Variants in MEI4 observed in about 807,000 individuals in gnomAD.
MEI4 encodes meiotic double-stranded break formation protein 4, also known as meiosis-specific protein MEI4.
MEI4 carries 27 observed loss-of-function variants against 31.4 expected under a neutral mutation model. That is an observed-to-expected ratio of 0.86 (90% CI 0.63 to 1.19). The LOEUF is 1.19. Ranked by LOEUF, MEI4 falls within the 50% of genes most tolerant of loss-of-function variation. The probability of loss-of-function intolerance (pLI) is 0.00; values close to 1 mark genes in which losing one functional copy is unlikely to be tolerated. For synonymous variants in MEI4, 122 were observed against 145.4 expected (o/e 0.84, Z 1.16); for missense variants, 329 against 398.9 (o/e 0.82, Z 1.49).
intron 4 of MEI4, among the ~76,000 whole-genome samples, chr6:77,887,330 C>T (rs572961078): frequency 3.9e-4 from 59 of 151,264 alleles, no homozygotes; most frequent in South Asian, 8.3e-4. Flanking sequence ...TCACTTTTGT[C>T]GCCCAGGTTG....
chr6:77,727,120 C>T (rs977795463), intron 2 of MEI4, among the ~76,000 whole-genome samples: 1 of 152,112 alleles, frequency 6.6e-6, no homozygotes, highest in African/African-American at 2.4e-5. Context: ...GAGGGTCTCT[C>T]AGATGTGAGT....
intron 4 of MEI4, among the ~76,000 whole-genome samples, chr6:77,836,207 T>C (rs1222042491): frequency 1.3e-5 from 2 of 152,166 alleles, no homozygotes; most frequent in East Asian, 3.9e-4. Flanking sequence ...AAGTGATTTT[T>C]CACAGAAATG....
intron 4 of MEI4, among the ~76,000 whole-genome samples, chr6:77,908,287 A>G (rs2127737673): frequency 6.6e-6 from 1 of 152,254 alleles, no homozygotes; most frequent in East Asian, 1.9e-4. Flanking sequence ...TTTAGGTCTA[A>G]CATTTAAGTC....
intron 4 of MEI4, among the ~76,000 whole-genome samples, chr6:77,867,900 A>T (rs1771088682): frequency 6.6e-6 from 1 of 152,210 alleles, no homozygotes; most frequent in Admixed American, 6.5e-5. Flanking sequence ...AAAAATGATG[A>T]GTTCATGTCC....
At chr6:77,712,511 C>A (rs1006960138) in intron 2 of MEI4, among the ~76,000 whole-genome samples, 14 of 152,082 alleles carry the variant, frequency 9.2e-5, no homozygotes, top group African/African-American at 3.4e-4. Context: ...ATGTTAGCAA[C>A]CATTCTGACA....
At chr6:77,811,570 G>A (rs1026192269) in intron 3 of MEI4, among the ~76,000 whole-genome samples, 1 of 152,042 alleles carries the variant, frequency 6.6e-6, no homozygotes, top group Non-Finnish European at 1.5e-5. Context: ...AAGGTCAAGA[G>A]ATCAAGACAT....
At chr6:77,732,256 A>G (rs1344985624) in intron 2 of MEI4, among the ~76,000 whole-genome samples, 2 of 151,958 alleles carry the variant, frequency 1.3e-5, no homozygotes, top group Admixed American at 6.5e-5. Flanking sequence ...CTTTCTACCC[A>G]TGAGCATGGA....
At chr6:77,875,168 C>A (rs1323291004) in intron 4 of MEI4, among the ~76,000 whole-genome samples, 1 of 152,170 alleles carries the variant, frequency 6.6e-6, no homozygotes, top group South Asian at 2.1e-4. Flanking sequence ...ATGTCTCCAT[C>A]TCCTGTTTTG....
At chr6:77,696,543 T>C (rs1766050532) in intron 2 of MEI4, among the ~76,000 whole-genome samples, 2 of 151,952 alleles carry the variant, frequency 1.3e-5, no homozygotes, top group Admixed American at 1.3e-4. Flanking sequence ...TTGTCTTTGG[T>C]TCTGTTTATA....
chr6:77,733,364 A>G (rs1267865306), intron 2 of MEI4, among the ~76,000 whole-genome samples: 11 of 151,986 alleles, frequency 7.2e-5, no homozygotes, highest in African/African-American at 4.8e-5. Context: ...GGGAGAGTGT[A>G]TGTGTCTAGG....
chr6:77,911,651 CTT>C (rs1381595603), intron 4 of MEI4, among the ~76,000 whole-genome samples: 3 of 150,644 alleles, frequency 2.0e-5, no homozygotes, highest in Non-Finnish European at 3.0e-5. Context: ...ATTTTGTTCT[CTT>C]TTTATAGCTG....
chr6:77,666,142 G>A lies in MEI4; in HGVS notation c.-15+13050G>A, dbSNP rs375972466. ...ATTATCATTAGTTCTTATAGGTTTCGGGATAGGCGGTGAAGTTAAGAGCAA... is the reference window on the plus strand; with the variant it reads ...ATTATCATTAGTTCTTATAGGTTTCAGGATAGGCGGTGAAGTTAAGAGCAA... On this transcript the variant is annotated intron_variant, in intron 1 of 4. Coordinates refer to ENST00000684080, the MANE Select transcript of MEI4 (RefSeq NM_001322247.2). Among the ~76,000 whole-genome samples the A allele has an allele frequency of 4.2e-4, 64 of 152,236 alleles. No individual in the cohort carries two copies. The East Asian group carries it at 7.6e-3, about 18-fold the overall frequency.
At position 77,821,751 on chromosome 6, in the gene MEI4, G is replaced by A. The variant is rs1011066693; in HGVS notation, c.769-7180G>A. On this transcript the variant is annotated intron_variant, in intron 3 of 4. Coordinates refer to ENST00000684080, the MANE Select transcript of MEI4 (RefSeq NM_001322247.2). The stretch of plus-strand genomic sequence containing the variant: ...GCAGAGGTTGTGGTGAGCTGAGATC[G>A]CGCCATTGCACTCCAGCCTGGGCAA... 8.5e-5 allele frequency among the ~76,000 whole-genome samples: 12 copies of A among 140,672 alleles called. No individual in the cohort carries two copies. In the South Asian group the frequency reaches 1.3e-3, roughly 15 times the overall value. 92.3% of individuals were successfully genotyped at this position (140,672 alleles called of 152,430 possible).
intron 4 of MEI4, among the ~76,000 whole-genome samples, chr6:77,878,054 G>T (rs150517800): frequency 5.9e-5 from 9 of 152,104 alleles, no homozygotes; most frequent in Middle Eastern, 6.8e-3. Flanking sequence ...GTAATATAAT[G>T]TGCCAAACAA....
chr6:77,777,309 C>T (rs1036453093), intron 3 of MEI4, among the ~76,000 whole-genome samples: 3 of 152,032 alleles, frequency 2.0e-5, no homozygotes, highest in Non-Finnish European at 4.4e-5. Flanking sequence ...GTACAATCTG[C>T]AAAAGACTCA....
At chr6:77,878,654 C>T (rs1462137400) in intron 4 of MEI4, among the ~76,000 whole-genome samples, 1 of 144,756 alleles carries the variant, frequency 6.9e-6, no homozygotes, top group East Asian at 2.1e-4. Flanking sequence ...TATTCTGTTT[C>T]CTTTTGTTTT....
chr6:77,672,521 A>C (rs1768764362), intron 1 of MEI4, among the ~76,000 whole-genome samples: 1 of 152,198 alleles, frequency 6.6e-6, no homozygotes, highest in Non-Finnish European at 1.5e-5. Context: ...TTAATGCATT[A>C]TACATTTACA....
At chr6:77,678,785 G>C (rs769958671) in intron 1 of MEI4, among the ~76,000 whole-genome samples, 20 of 152,192 alleles carry the variant, frequency 1.3e-4, no homozygotes, top group East Asian at 1.9e-4. Flanking sequence ...CTGCAAGAAG[G>C]CGTTATCAAA....
At chr6:77,658,026 C>T (rs1768429539) in intron 1 of MEI4, among the ~76,000 whole-genome samples, 1 of 152,212 alleles carries the variant, frequency 6.6e-6, no homozygotes, top group African/African-American at 2.4e-5. Context: ...AGTTTTCATG[C>T]GTGTCCGTGT....
Sources: gnomAD v4.1 joint callset for allele counts (sites outside exome capture counted in the v4.1 genomes callset) on GRCh38, gnomAD v4.1.1 for gene constraint, MANE v1.5 for transcripts, NCBI Gene and HGNC (gene_info 2026-07-23, HGNC 2026-07-21) for gene names.